Variants in TMCO1 observed in about 807,000 individuals in gnomAD.
TMCO1 encodes the protein transmembrane and coiled-coil domains 1, also known as calcium load-activated calcium channel.
In TMCO1, 29 loss-of-function variants were observed where a neutral mutation model predicts 29.3. The ratio of observed to expected loss-of-function variants is 0.99; its 90% CI spans 0.74 to 1.35. The LOEUF is 1.35. Ranked by LOEUF, TMCO1 falls within the 40% of genes most tolerant of loss-of-function variation. TMCO1 has a pLI of 0.00. For synonymous variants in TMCO1, 80 were observed against 77.1 expected (o/e 1.04, Z -0.20); for missense variants, 173 against 225.5 (o/e 0.77, Z 1.49).
In TMCO1 at chr1:165,741,735, G is replaced by T. The variant is rs147033626; in HGVS notation, c.468+1432C>A. Reference sequence around the variant, plus strand: ...CCCCATCCAAATCTCATGTCAAATTGTGTGGTTTAGCACCATCCCCCTTGG... The same window carrying T: ...CCCCATCCAAATCTCATGTCAAATTTTGTGGTTTAGCACCATCCCCCTTGG... On this transcript the variant is annotated intron_variant, in intron 6 of 6. Transcript: ENST00000367881. Among the ~76,000 whole-genome samples, 7 of 152,278 alleles carry T rather than the reference G, an allele frequency of 4.6e-5. No individual in the cohort carries two copies. The East Asian group carries it at 9.7e-4, about 21-fold the overall frequency.
chr1:165,727,947 C>G lies in TMCO1; in HGVS notation c.*76G>C. ...GCCCAAGTAGTAAGGCTACCTATGG[C>G]TCTTGCTACAAAACAGTTGCCAGTC... On this transcript the variant is annotated 3_prime_UTR_variant, in exon 7 of 7. Coordinates refer to ENST00000367881, the MANE Select transcript of TMCO1 (RefSeq NM_019026.6). 8.7e-7 allele frequency: 1 copy of G among 1,143,140 alleles called. No homozygotes were observed. The highest frequency in any genetic ancestry group is 1.2e-5 in the South Asian group (1 of 81,160). 70.8% of individuals were successfully genotyped at this position (1,143,140 alleles called of 1,614,324 possible).
intron 6 of TMCO1, among the ~76,000 whole-genome samples, chr1:165,731,846 T>C (rs553343199): frequency 1.3e-5 from 2 of 152,382 alleles, no homozygotes; most frequent in South Asian, 4.1e-4. Flanking sequence ...TTCCTTTCCT[T>C]GTGGCTCTTG....
chr1:165,733,789 T>C (rs991377368), intron 6 of TMCO1, among the ~76,000 whole-genome samples: 2 of 152,198 alleles, frequency 1.3e-5, no homozygotes, highest in Non-Finnish European at 2.9e-5. Context: ...GAAGAATGTA[T>C]ACCCAGAAGA....
intron 6 of TMCO1, among the ~76,000 whole-genome samples, chr1:165,737,205 C>G (rs144392768): frequency 8.6e-5 from 13 of 151,888 alleles, no homozygotes; most frequent in African/African-American, 2.9e-4. Flanking sequence ...CCAAATAAAG[C>G]AAAAATTCTG....
At position 165,734,529 on chromosome 1, in the gene TMCO1, A is replaced by G. The variant is rs1651292813; in HGVS notation, c.469-6408T>C. ...TTTTTATTTTTATTTTTTGAGACGG[A>G]GTCTTACTCTGTCGTCCAGGCTGGA... On this transcript the variant is annotated intron_variant, in intron 6 of 6. Coordinates refer to ENST00000367881, the MANE Select transcript of TMCO1 (RefSeq NM_019026.6). 2.0e-5 allele frequency among the ~76,000 whole-genome samples: 3 copies of G among 151,992 alleles called. No individual in the cohort carries two copies. The East Asian group carries it at 5.8e-4, about 29-fold the overall frequency.
At chr1:165,764,499 C>T (rs1376412033) in intron 2 of TMCO1, among the ~76,000 whole-genome samples, 1 of 152,066 alleles carries the variant, frequency 6.6e-6, no homozygotes, top group Non-Finnish European at 1.5e-5. Context: ...CTGGATAAGG[C>T]TTTGAGATCT....
chr1:165,728,669 C>T (rs182521370), intron 6 of TMCO1, among the ~76,000 whole-genome samples: 3 of 152,052 alleles, frequency 2.0e-5, no homozygotes, highest in Admixed American at 6.5e-5. Flanking sequence ...TGATTTTTTT[C>T]GAGTAGAGAA....
rs59467463 is a variant in TMCO1 at position 165,746,453 on chromosome 1, T to TCACACACACACACACA, written c.324-3158_324-3143dup. Among the ~76,000 whole-genome samples the TCACACACACACACACA allele has an allele frequency of 8.0e-3, 1,057 of 132,388 alleles. 19 individuals are homozygous for TCACACACACACACACA. Among genetic ancestry groups the TCACACACACACACACA allele is most frequent in the East Asian group, 0.027 (117 of 4,340 alleles). The allele number at this position is 132,388 out of a possible 152,430, so 86.9% of individuals were successfully genotyped here. Reference sequence around the variant, plus strand: ...ACTTCTATAGCTTGGAAGACCTATATCACACACACACACACACACACACAC... The same window carrying TCACACACACACACACA: ...ACTTCTATAGCTTGGAAGACCTATATCACACACACACACACACACACACACACACACACACACACAC... On this transcript the variant is annotated intron_variant, in intron 5 of 6. Transcript: ENST00000367881.
downstream of TMCO1, chr1:165,725,553 T>C (rs983602588): frequency 2.0e-5 from 9 of 453,994 alleles, no homozygotes; most frequent in Admixed American, 9.4e-5. Context: ...AATGGCTGTT[T>C]TTCTTCCCTA....
chr1:165,758,024 C>T (rs1238886206), intron 3 of TMCO1, among the ~76,000 whole-genome samples: 2 of 146,810 alleles, frequency 1.4e-5, no homozygotes. Flanking sequence ...TCTGCATTCT[C>T]AATGTCTGCA....
At chr1:165,752,789 C>T (rs371762384) in intron 4 of TMCO1, among the ~76,000 whole-genome samples, 4 of 149,720 alleles carry the variant, frequency 2.7e-5, no homozygotes, top group African/African-American at 5.0e-5. Context: ...AGTGAGACTC[C>T]GTCTCAAAAA....
intron 5 of TMCO1, among the ~76,000 whole-genome samples, chr1:165,747,714 A>C (rs1019192901): frequency 6.6e-6 from 1 of 152,218 alleles, no homozygotes; most frequent in East Asian, 1.9e-4. Flanking sequence ...TTGCATGGTG[A>C]TAAGTGTGGA....
downstream of TMCO1, chr1:165,725,369 C>A: frequency 2.2e-6 from 1 of 453,394 alleles, no homozygotes; most frequent in Non-Finnish European, 4.4e-6. Context: ...AAGAGAAAGG[C>A]CCAGTCTGGT....
intron 3 of TMCO1, among the ~76,000 whole-genome samples, chr1:165,756,421 T>C (rs977748817): frequency 6.6e-6 from 1 of 152,178 alleles, no homozygotes; most frequent in Non-Finnish European, 1.5e-5. Context: ...ACCACTTAGT[T>C]CAGCTTTGCC....
rs1338002874 is a variant in TMCO1 at position 165,734,542 on chromosome 1, C to T, written c.469-6421G>A. The stretch of plus-strand genomic sequence containing the variant: ...TTTTTGAGACGGAGTCTTACTCTGT[C>T]GTCCAGGCTGGAGTGCAGTGGTGTG... On this transcript the variant is annotated intron_variant, in intron 6 of 6. Transcript: ENST00000367881. Among the ~76,000 whole-genome samples the T allele has an allele frequency of 7.9e-5, 12 of 151,968 alleles. No individual in the cohort carries two copies. In the East Asian group the frequency reaches 2.1e-3, roughly 27 times the overall value.
chr1:165,738,424 G>T (rs6683657), intron 6 of TMCO1, among the ~76,000 whole-genome samples: 5,632 of 152,212 alleles, frequency 0.037, 330 homozygotes, highest in African/African-American at 0.13. Context: ...TATTCATTTC[G>T]CAGGCAACCA....
chr1:165,735,860 A>G (rs1321238680), intron 6 of TMCO1, among the ~76,000 whole-genome samples: 3 of 152,240 alleles, frequency 2.0e-5, no homozygotes, highest in African/African-American at 7.2e-5. Flanking sequence ...TAAGCAGCCC[A>G]GTTAAGACTA....
At chr1:165,732,777 A>G (rs1169935451) in intron 6 of TMCO1, among the ~76,000 whole-genome samples, 1 of 152,186 alleles carries the variant, frequency 6.6e-6, no homozygotes, top group Non-Finnish European at 1.5e-5. Context: ...ACTGTTCTAA[A>G]AAATAAGGTC....
chr1:165,741,242 G>C (rs1651583264), intron 6 of TMCO1, among the ~76,000 whole-genome samples: 1 of 151,962 alleles, frequency 6.6e-6, no homozygotes, highest in African/African-American at 2.4e-5. Context: ...AGTTCAGCTG[G>C]TTTCCCCTTC....
Sources: gnomAD v4.1 joint callset for allele counts (sites outside exome capture counted in the v4.1 genomes callset) on GRCh38, gnomAD v4.1.1 for gene constraint, MANE v1.5 for transcripts, NCBI Gene and HGNC (gene_info 2026-07-23, HGNC 2026-07-21) for gene names.